PCDH7: variants seen among roughly 807,000 people sequenced by gnomAD.
PCDH7 encodes the protein protocadherin 7, also known as protocadherin-7.
PCDH7 carries 17 observed loss-of-function variants against 58.9 expected under a neutral mutation model. The observed-to-expected ratio is 0.29, with a 90% confidence interval of 0.20 to 0.43. The LOEUF (loss-of-function observed/expected upper bound fraction) is 0.43, where lower values mean the gene tolerates loss of function less well. Ranked by LOEUF, PCDH7 falls within the 20% of genes least tolerant of loss-of-function variation. The probability of loss-of-function intolerance (pLI) is 1.00; values close to 1 mark genes in which losing one functional copy is unlikely to be tolerated. For synonymous variants in PCDH7, 664 were observed against 616.4 expected, an observed-to-expected ratio of 1.08 and a Z score of -1.14; for missense variants, 1,274 against 1,441.0, an observed-to-expected ratio of 0.88 and a Z score of 1.88.
At chr4:30,733,467 T>C (rs1468202037), downstream of PCDH7, among the ~76,000 whole-genome samples, 1 of 152,152 alleles carries the variant, frequency 6.6e-6, no homozygotes, top group Non-Finnish European at 1.5e-5. Context: ...TTTTATTTTA[T>C]TTTTTTAAGA....
At chr4:30,944,089 A>G (rs1035061427) in intron 2 of PCDH7, among the ~76,000 whole-genome samples, 6 of 152,080 alleles carry the variant, frequency 3.9e-5, no homozygotes, top group African/African-American at 7.2e-5. Context: ...CCAGGACTCA[A>G]AATCATTTCC....
At chr4:31,071,810 A>G (rs1161477949) in intron 3 of PCDH7, among the ~76,000 whole-genome samples, 1 of 152,062 alleles carries the variant, frequency 6.6e-6, no homozygotes, top group Non-Finnish European at 1.5e-5. Flanking sequence ...GCATTGAGAA[A>G]GCTTTTCCTG....
intron 1 of PCDH7, among the ~76,000 whole-genome samples, chr4:30,896,466 A>G (rs2109389693): frequency 6.6e-6 from 1 of 152,290 alleles, no homozygotes; most frequent in East Asian, 1.9e-4. Context: ...TTGCATTTTT[A>G]TAAAAGTTAT....
At chr4:30,745,432 G>T (rs532486831) in intron 1 of PCDH7, among the ~76,000 whole-genome samples, 2 of 152,018 alleles carry the variant, frequency 1.3e-5, no homozygotes, top group East Asian at 1.9e-4. Flanking sequence ...CTTGTTATCA[G>T]CTGGCTTTCA....
downstream of PCDH7, chr4:31,145,473 A>G (rs1720616502): frequency 6.6e-6 from 1 of 151,738 alleles, no homozygotes; most frequent in South Asian, 2.1e-4. Context: ...CAATAAAAAG[A>G]AACAAAAAAA....
intron 1 of PCDH7, among the ~76,000 whole-genome samples, chr4:30,810,219 T>G (rs1337679374): frequency 6.6e-6 from 1 of 152,288 alleles, no homozygotes; most frequent in African/African-American, 2.4e-5. Context: ...ATAGACTATC[T>G]GTCTCACTAG....
chr4:31,124,628 A>G (rs76841177), intron 3 of PCDH7, among the ~76,000 whole-genome samples: 1 of 152,134 alleles, frequency 6.6e-6, no homozygotes, highest in Admixed American at 6.5e-5. Context: ...TATTAGATTT[A>G]TGGATTGTGA....
chr4:31,032,144 A>G (rs570072260), intron 3 of PCDH7, among the ~76,000 whole-genome samples: 1 of 152,350 alleles, frequency 6.6e-6, no homozygotes, highest in Admixed American at 6.5e-5. Flanking sequence ...AAGATCAGAG[A>G]AACTTTTTAT....
At chr4:31,145,972 GAC>G (rs1720647558), downstream of PCDH7, 1 of 151,982 alleles carries the variant, frequency 6.6e-6, no homozygotes, top group African/African-American at 2.4e-5. Flanking sequence ...TATACATTAG[GAC>G]ACATTTATAA....
chr4:30,963,619 C>T (rs1748691866), intron 3 of PCDH7, among the ~76,000 whole-genome samples: 1 of 151,942 alleles, frequency 6.6e-6, no homozygotes, highest in African/African-American at 2.4e-5. Flanking sequence ...AATGGTGTGG[C>T]TACATATCCC....
chr4:31,051,355 T>C (rs1418846339), intron 3 of PCDH7, among the ~76,000 whole-genome samples: 1 of 152,094 alleles, frequency 6.6e-6, no homozygotes, highest in Non-Finnish European at 1.5e-5. Context: ...CACCTGAAGG[T>C]TAACCAGTGT....
At chr4:30,842,931 A>G (rs1346356177) in intron 1 of PCDH7, among the ~76,000 whole-genome samples, 7 of 151,966 alleles carry the variant, frequency 4.6e-5, no homozygotes, top group African/African-American at 1.7e-4. Flanking sequence ...TACTTATTCT[A>G]TTGTTTTCCA....
intron 3 of PCDH7, among the ~76,000 whole-genome samples, chr4:31,033,038 G>A (rs1254309409): frequency 6.6e-6 from 1 of 152,050 alleles, no homozygotes; most frequent in Admixed American, 6.5e-5. Flanking sequence ...AGGAATCATA[G>A]TGTGTTGGTA....
intron 1 of PCDH7, among the ~76,000 whole-genome samples, chr4:30,804,036 G>A (rs915421343): frequency 6.6e-6 from 1 of 152,124 alleles, no homozygotes; most frequent in South Asian, 2.1e-4. Flanking sequence ...AACCCTCATG[G>A]CCTAATCGCC....
chr4:30,763,772 C>T (rs1720344773), intron 1 of PCDH7, among the ~76,000 whole-genome samples: 1 of 152,166 alleles, frequency 6.6e-6, no homozygotes, highest in African/African-American at 2.4e-5. Context: ...ACATCCTAGT[C>T]GTTTGTGTAT....
intron 1 of PCDH7, among the ~76,000 whole-genome samples, chr4:30,807,781 T>C (rs531282742): frequency 1.1e-4 from 17 of 152,068 alleles, no homozygotes; most frequent in Non-Finnish European, 2.4e-4. Context: ...TTTGGTGATA[T>C]AGGCACACTT....
intron 3 of PCDH7, among the ~76,000 whole-genome samples, chr4:30,966,621 G>A (rs775616852): frequency 1.3e-5 from 2 of 151,996 alleles, no homozygotes; most frequent in Admixed American, 6.6e-5. Flanking sequence ...AGTAAGCAGG[G>A]ATGTGTTTAG....
chr4:30,754,524 C>T (rs529612770), intron 1 of PCDH7, among the ~76,000 whole-genome samples: 1 of 151,996 alleles, frequency 6.6e-6, no homozygotes, highest in Admixed American at 6.6e-5. Flanking sequence ...AAATTCACAC[C>T]CAATACAGGA....
At chr4:31,031,545 T>C (rs1754917642) in intron 3 of PCDH7, among the ~76,000 whole-genome samples, 1 of 152,218 alleles carries the variant, frequency 6.6e-6, no homozygotes, top group Non-Finnish European at 1.5e-5. Flanking sequence ...TATGAATGGA[T>C]GCGGACAGAT....
Sources: allele counts gnomAD v4.1 joint callset (sites outside exome capture counted in the v4.1 genomes callset), GRCh38; gene constraint gnomAD v4.1.1; transcripts MANE v1.5; gene names NCBI Gene and HGNC (gene_info 2026-07-23, HGNC 2026-07-21).